MUS81: variants seen among roughly 807,000 people sequenced by gnomAD.
The protein encoded by MUS81 is structure-specific endonuclease subunit MUS81.
Under a neutral mutation model 74.2 loss-of-function variants are expected in MUS81, and 69 were observed. The ratio of observed to expected loss-of-function variants is 0.93; its 90% CI spans 0.77 to 1.14. The LOEUF is 1.14. MUS81 is among the 50% of genes most tolerant of loss of function. The pLI is 0.00. For missense variants in MUS81, 711 were observed against 726.5 expected (o/e 0.98, Z 0.25); for synonymous variants, 303 against 300.6 (o/e 1.01, Z -0.08).
downstream of MUS81, chr11:65,866,583 G>A (rs935076468): frequency 3.0e-5 from 21 of 702,754 alleles, no homozygotes; most frequent in African/African-American, 3.0e-4. Context: ...TAGGACCCCT[G>A]CAAGCCAGCC....
chr11:65,864,000 G>A, intron 10 of MUS81, 99 bp downstream of exon 10: 1 of 1,212,924 alleles, frequency 8.2e-7, no homozygotes, highest in African/African-American at 1.5e-5. Flanking sequence ...CCTTGAGGCA[G>A]AGCCCTTTGG....
At chr11:65,862,953 T>C in intron 6 of MUS81, 112 bp from the exon 7 acceptor site, 2 of 1,421,330 alleles carry the variant, frequency 1.4e-6, no homozygotes, top group Non-Finnish European at 2.0e-6. Context: ...ACTGGGGTCA[T>C]TTGTGCAGGG....
rs774184394 is a variant in MUS81, at chr11:65,865,854, G to A, written c.1549G>A (p.Glu517Lys). ...YDACATPKEQ[E>K]TLLSTIKCGR... is the part of the protein sequence containing the mutation. ...TGCCTGTGCCACCCCCAAGGAACAAGAGACACTGCTGAGCACCATTAAGTG... is the reference window on the plus strand; with the variant it reads ...TGCCTGTGCCACCCCCAAGGAACAAAAGACACTGCTGAGCACCATTAAGTG... Residue 517 changes from glutamate to lysine, a missense_variant, in exon 15 of 16, where the codon GAG becomes AAG. Glu to Lys is a moderately conservative substitution (Grantham distance 56). Coordinates refer to ENST00000308110, the MANE Select transcript of MUS81 (RefSeq NM_025128.5). The A allele has an allele frequency of 2.1e-5, 34 of 1,614,012 alleles. No homozygotes were observed. Among genetic ancestry groups the A allele is most frequent in the Middle Eastern group, 1.6e-4 (1 of 6,072 alleles).
At chr11:65,863,279 C>T in intron 7 of MUS81, 74 bp downstream of exon 7, 2 of 1,578,922 alleles carry the variant, frequency 1.3e-6, no homozygotes, top group Non-Finnish European at 1.7e-6. Flanking sequence ...CCCGCCCCAA[C>T]CCATCACCTG....
intron 10 of MUS81, chr11:65,864,214 C>A: frequency 1.7e-6 from 1 of 584,724 alleles, no homozygotes; most frequent in Non-Finnish European, 3.1e-6. Context: ...TACCTTGGTA[C>A]TTGCTGCTGG....
Position 65,864,835 on chromosome 11 carries a change from C to G in MUS81, c.1272+20C>G, listed in dbSNP as rs751478259. Reference sequence around the variant, plus strand: ...TACCAGGTGAGCAGAGGCCCCTTTCCCAGTGTCGGGACAGAGCCCACAAGG... The same window carrying G: ...TACCAGGTGAGCAGAGGCCCCTTTCGCAGTGTCGGGACAGAGCCCACAAGG... On this transcript the variant is annotated intron_variant, in intron 12 of 15. Transcript: ENST00000308110. 4 of 1,608,000 alleles carry G rather than the reference C, an allele frequency of 2.5e-6. No homozygotes were observed. In the South Asian group the frequency reaches 4.4e-5, roughly 18 times the overall value.
At chr11:65,861,536 G>A (rs1859605724) in intron 3 of MUS81, 101 bp downstream of exon 3, 1 of 951,414 alleles carries the variant, frequency 1.1e-6, no homozygotes, top group African/African-American at 1.6e-5. Flanking sequence ...TCTCACCAGT[G>A]ATGCCTGGCC....
In MUS81 at chr11:65,865,824, TATG is replaced by T. The variant is rs1318441225; in HGVS notation, c.1523_1525del (p.Asp508del). The T allele has an allele frequency of 6.2e-7, 1 of 1,613,816 alleles. No homozygotes were observed. Among genetic ancestry groups the T allele is most frequent in the African/African-American group, 1.3e-5 (1 of 74,864 alleles). ...CCTGCCCCCCAGCCTCCTGGCCGCC[TATG>T]ATGCCTGTGCCACCCCCAAGGAACA... On this transcript the variant is annotated inframe_deletion, in exon 15 of 16. Coordinates refer to ENST00000308110, the MANE Select transcript of MUS81 (RefSeq NM_025128.5).
rs1292406207 is a variant in MUS81, at chr11:65,860,626, A to T, written c.-128A>T. 1 of 1,366,482 alleles carries T rather than the reference A, an allele frequency of 7.3e-7. No homozygotes were observed. Among genetic ancestry groups the T allele is most frequent in the Non-Finnish European group, 1.0e-6 (1 of 1,000,436 alleles). 84.6% of individuals were successfully genotyped at this position (1,366,482 alleles called of 1,614,324 possible). On this transcript the variant is annotated 5_prime_UTR_variant, in exon 1 of 16. Coordinates refer to ENST00000308110, the MANE Select transcript of MUS81 (RefSeq NM_025128.5). ...CCTGTGTTTGGGGCCCCGTGATCTC[A>T]ACGGTCCTGCCCTCGGTCTCCCTCT... is the stretch of plus-strand genomic sequence containing the variant.
intron 5 of MUS81, 82 bp from the exon 6 acceptor site, chr11:65,862,362 G>A: frequency 6.3e-7 from 1 of 1,578,576 alleles, no homozygotes; most frequent in East Asian, 2.2e-5. Context: ...GGGCCCATGT[G>A]TGGCCCATGG....
At chr11:65,864,456 T>C (rs1565268505) in intron 10 of MUS81, 41 bp from the exon 11 acceptor site, 2 of 1,560,038 alleles carry the variant, frequency 1.3e-6, no homozygotes, top group Admixed American at 3.3e-5. Flanking sequence ...CATGTGGTCA[T>C]CCAGCCTGAC....
In MUS81 at chr11:65,865,320, C is replaced by A; in HGVS notation, c.1502C>A (p.Ala501Asp). 2 of 1,613,316 alleles carry A rather than the reference C, an allele frequency of 1.2e-6. No homozygotes were observed. The highest frequency in any genetic ancestry group is 1.7e-6 in the Non-Finnish European group (2 of 1,179,582). ...AALVDRYSTP[A>D]SLLAAYDACA... The stretch of plus-strand genomic sequence containing the variant: ...CTGGTGGATCGATACAGCACCCCTG[C>A]CAGGTAGGCCCTAAAGGGCCCTTAG... Residue 501 changes from alanine to aspartate, a missense_variant, in exon 14 of 16, where the codon GCC becomes GAC. Ala to Asp is a moderately radical substitution (Grantham distance 126). Coordinates refer to ENST00000308110, the MANE Select transcript of MUS81 (RefSeq NM_025128.5).
chr11:65,863,673 G>A lies in MUS81; in HGVS notation c.913G>A (p.Val305Ile), dbSNP rs367661848. The change falls in exon 9 of 16, where the codon GTT becomes ATT. Residue 305 changes from valine to isoleucine, a missense_variant. Coordinates refer to ENST00000308110, the MANE Select transcript of MUS81 (RefSeq NM_025128.5). ...GACCCACACGGTGCGCAAGCTGCAC[G>A]TTGGAGATTTTGTGTGGGTGGCCCA... ...HVTHTVRKLH[V>I]GDFVWVAQET... is the part of the protein sequence containing the mutation. 4.2e-5 allele frequency: 68 copies of A among 1,613,958 alleles called. No homozygotes were observed. The highest frequency in any genetic ancestry group is 1.6e-4 in the Middle Eastern group (1 of 6,084).
intron 9 of MUS81, 30 bp from the exon 10 acceptor site, chr11:65,863,774 A>C (rs747580891): frequency 6.2e-7 from 1 of 1,614,146 alleles, no homozygotes; most frequent in Non-Finnish European, 8.5e-7. Flanking sequence ...TGGGTAGGGG[A>C]TCGCAAGCTA....
At chr11:65,860,167 C>G (rs1333756848), upstream of MUS81, 1 of 439,386 alleles carries the variant, frequency 2.3e-6, no homozygotes, top group African/African-American at 2.0e-5. Context: ...TCCTCATCCC[C>G]GGCACCCATT....
At position 65,863,394 on chromosome 11, in the gene MUS81, A is replaced by G. The variant is rs1399709533; in HGVS notation, c.747-16A>G. On this transcript the variant is annotated splice_polypyrimidine_tract_variant and intron_variant, in intron 7 of 15. Coordinates refer to ENST00000308110, the MANE Select transcript of MUS81 (RefSeq NM_025128.5). Reference sequence around the variant, plus strand: ...ACAAGGGGTTCTGGCCTCACATACCAACACCCCCCACTTAGTGCCAGTGAA... The same window carrying G: ...ACAAGGGGTTCTGGCCTCACATACCGACACCCCCCACTTAGTGCCAGTGAA... 6.2e-7 allele frequency: 1 copy of G among 1,613,810 alleles called. No homozygotes were observed. The highest frequency in any genetic ancestry group is 8.5e-7 in the Non-Finnish European group (1 of 1,179,944).
rs545500 is a variant in MUS81, at chr11:65,862,463, G to C, written c.539G>C (p.Arg180Pro). The change falls in exon 6 of 16, where the codon CGA (arginine) becomes CCA (proline). Residue 180 changes from arginine to proline, a missense_variant. Transcript: ENST00000308110. ...CCACAGGTAGCCCCTGGGAGTGCTC[G>C]ACCCTGGCCAGCCCTCCGCTCCCTC... ...KSPRVAPGSA[R>P]PWPALRSLLH... The C allele has an allele frequency of 0.63, 1,009,041 of 1,608,124 alleles. 328,013 individuals are homozygous for C. Among genetic ancestry groups the C allele is most frequent in the Middle Eastern group, 0.7 (4,234 of 6,042 alleles).
Position 65,864,481 on chromosome 11 carries a change from CTG to C in MUS81, c.1060-14_1060-13del. 1.2e-6 allele frequency: 2 copies of C among 1,608,724 alleles called. No homozygotes were observed. Among genetic ancestry groups the C allele is most frequent in the Non-Finnish European group, 1.7e-6 (2 of 1,175,052 alleles). ...TCCAGCCTGACCCTCCCTGTCCACT[CTG>C]TACACTTCCCTAGTTCCGGCTGAAG... On this transcript the variant is annotated splice_polypyrimidine_tract_variant and intron_variant, in intron 10 of 15. Coordinates refer to ENST00000308110, the MANE Select transcript of MUS81 (RefSeq NM_025128.5).
In MUS81 at chr11:65,860,816, C is replaced by T. The variant is rs774260966; in HGVS notation, c.63C>T (p.Phe21=). ...RPLPACPNPL[F]VRWLTEWRDE... is the part of the protein sequence containing the mutation. ...TGCCTGCCTGTCCCAACCCGCTCTT[C>T]GTTCGCTGGCTGACCGAGTGGCGGG... Residue 21 remains phenylalanine, a synonymous_variant, in exon 1 of 16, where the codon TTC becomes TTT. Transcript: ENST00000308110. The T allele has an allele frequency of 1.7e-5, 26 of 1,547,866 alleles. No homozygotes were observed. The highest frequency in any genetic ancestry group is 2.1e-5 in the Non-Finnish European group (24 of 1,149,242).
Sources: gnomAD v4.1 joint callset for allele counts on GRCh38, gnomAD v4.1.1 for gene constraint, MANE v1.5 for transcripts, NCBI Gene and HGNC (gene_info 2026-07-23, HGNC 2026-07-21) for gene names.